KIF18A: variants seen among roughly 807,000 people sequenced by gnomAD.
KIF18A encodes the protein kinesin family member 18A.
A neutral mutation model predicts 103.3 loss-of-function variants in KIF18A; 67 were observed. The ratio of observed to expected loss-of-function variants is 0.65; its 90% CI spans 0.53 to 0.79. The LOEUF (loss-of-function observed/expected upper bound fraction) is 0.79, where lower values mean the gene tolerates loss of function less well. KIF18A is among the 30% of genes least tolerant of loss of function. The pLI is 0.00. For missense variants in KIF18A, 1,032 were observed against 1,062.5 expected (o/e 0.97, Z 0.40); for synonymous variants, 367 against 355.5 (o/e 1.03, Z -0.36).
At chr11:28,027,374 T>C (rs1307216249) in intron 15 of KIF18A, among the ~76,000 whole-genome samples, 2 of 151,872 alleles carry the variant, frequency 1.3e-5, no homozygotes, top group Non-Finnish European at 2.9e-5. Context: ...GTTTTACTAC[T>C]ATATACCTAG....
At chr11:28,027,884 G>A (rs935671112) in intron 15 of KIF18A, among the ~76,000 whole-genome samples, 1 of 151,668 alleles carries the variant, frequency 6.6e-6, no homozygotes, top group Non-Finnish European at 1.5e-5. Flanking sequence ...AACCAGACAA[G>A]GACACATCAA....
intron 15 of KIF18A, among the ~76,000 whole-genome samples, chr11:28,028,109 A>C (rs1850344220): frequency 6.6e-6 from 1 of 152,036 alleles, no homozygotes; most frequent in Non-Finnish European, 1.5e-5. Context: ...TGATCATTTC[A>C]ATAGATGCTG....
chr11:28,094,507 G>A, intron 3 of KIF18A, 136 bp downstream of exon 3: 4 of 683,766 alleles, frequency 5.8e-6, no homozygotes, highest in Non-Finnish European at 9.4e-6. Flanking sequence ...AGAAAAAGAT[G>A]CATAACAAAT....
In KIF18A at chr11:28,058,858, AGATT is replaced by A. The variant is rs1850820105; in HGVS notation, c.1948+64_1948+67del. The A allele has an allele frequency of 7.0e-6, 8 of 1,150,908 alleles. No individual in the cohort carries two copies. The South Asian group carries it at 1.1e-4, about 16-fold the overall frequency. 71.3% of individuals were successfully genotyped at this position (1,150,908 alleles called of 1,614,324 possible). A position where few individuals can be genotyped will look rare whatever the true frequency, so the allele number is the denominator to read the frequency against. ...AACCTATTAAAATTAACTGTTCTAT[AGATT>A]GATATACAAAGGTTCTCTTTAGAAA... On this transcript the variant is annotated intron_variant, in intron 13 of 16. Coordinates refer to ENST00000263181, the MANE Select transcript of KIF18A (RefSeq NM_031217.4).
intron 13 of KIF18A, among the ~76,000 whole-genome samples, chr11:28,052,484 T>C (rs963862047): frequency 3.3e-5 from 5 of 152,034 alleles, no homozygotes; most frequent in African/African-American, 1.2e-4. Flanking sequence ...TGCACTGTGA[T>C]TGTGTCCCTC....
intron 15 of KIF18A, among the ~76,000 whole-genome samples, chr11:28,027,182 T>A (rs554636065): frequency 6.6e-6 from 1 of 151,906 alleles, no homozygotes; most frequent in South Asian, 2.1e-4. Flanking sequence ...AGGTCTTCTA[T>A]AAACTTTTCT....
chr11:28,031,073 C>T (rs1326436022), intron 15 of KIF18A, among the ~76,000 whole-genome samples: 1 of 151,884 alleles, frequency 6.6e-6, no homozygotes, highest in East Asian at 1.9e-4. Flanking sequence ...AACACTTTTA[C>T]ACTGTTGGTG....
intron 3 of KIF18A, among the ~76,000 whole-genome samples, chr11:28,094,261 GCTAATTTC>G (rs1453672910): frequency 6.6e-6 from 1 of 152,060 alleles, no homozygotes; most frequent in Non-Finnish European, 1.5e-5. Context: ...TTGTATCATT[GCTAATTTC>G]CTGATTTTGG....
At chr11:28,043,669 C>G (rs1360019835) in intron 13 of KIF18A, among the ~76,000 whole-genome samples, 1 of 122,288 alleles carries the variant, frequency 8.2e-6, no homozygotes, top group African/African-American at 3.1e-5. Flanking sequence ...ACAGTATGAT[C>G]CCAATTTTGA....
chr11:28,032,840 A>G (rs78750907), intron 15 of KIF18A, among the ~76,000 whole-genome samples: 13,242 of 151,892 alleles, frequency 0.087, 1,025 homozygotes, highest in East Asian at 0.36. Context: ...CTACACAGGG[A>G]ACCAAAGCAA....
chr11:28,025,225 A>T (rs928557553), intron 15 of KIF18A, among the ~76,000 whole-genome samples: 8 of 152,028 alleles, frequency 5.3e-5, no homozygotes, highest in Non-Finnish European at 5.9e-5. Context: ...AAAATCACAA[A>T]TTTGTATGCA....
chr11:28,102,715 C>A (rs1166312459), intron 1 of KIF18A, among the ~76,000 whole-genome samples: 1 of 152,120 alleles, frequency 6.6e-6, no homozygotes, highest in Non-Finnish European at 1.5e-5. Context: ...CTTTTAAAAA[C>A]AAATATGTGG....
At chr11:28,105,141 C>T (rs1289970841) in intron 1 of KIF18A, among the ~76,000 whole-genome samples, 1 of 151,974 alleles carries the variant, frequency 6.6e-6, no homozygotes, top group Non-Finnish European at 1.5e-5. Flanking sequence ...AATGTACTAA[C>T]AATTGACATA....
chr11:28,022,528 A>C (rs1850260525), intron 16 of KIF18A, among the ~76,000 whole-genome samples: 1 of 152,114 alleles, frequency 6.6e-6, no homozygotes, highest in Non-Finnish European at 1.5e-5. Context: ...CAGCCTCCCA[A>C]AGTGCTGGGA....
At chr11:28,039,927 A>T (rs1308340706) in intron 13 of KIF18A, among the ~76,000 whole-genome samples, 1 of 151,764 alleles carries the variant, frequency 6.6e-6, no homozygotes, top group Non-Finnish European at 1.5e-5. Context: ...TTCAGATAAA[A>T]TAAAAGGGCA....
intron 9 of KIF18A, among the ~76,000 whole-genome samples, chr11:28,082,537 A>C (rs1214318097): frequency 1.3e-5 from 2 of 152,146 alleles, no homozygotes; most frequent in Non-Finnish European, 1.5e-5. Flanking sequence ...TTATCTTTTC[A>C]GATATAATGC....
At chr11:28,046,439 T>C (rs376644818) in intron 13 of KIF18A, among the ~76,000 whole-genome samples, 26 of 144,836 alleles carry the variant, frequency 1.8e-4, no homozygotes, top group South Asian at 4.5e-4. Flanking sequence ...AGTAAACTAT[T>C]GCAAGAACAA....
chr11:28,065,751 A>G (rs927827027), intron 11 of KIF18A, among the ~76,000 whole-genome samples: 2 of 152,088 alleles, frequency 1.3e-5, no homozygotes, highest in Non-Finnish European at 2.9e-5. Flanking sequence ...TTAATACTTC[A>G]TAAGTTCTTA....
At chr11:28,041,252 A>G (rs1850556136) in intron 13 of KIF18A, among the ~76,000 whole-genome samples, 1 of 151,872 alleles carries the variant, frequency 6.6e-6, no homozygotes, top group Non-Finnish European at 1.5e-5. Context: ...AGACAATAAA[A>G]CAGAGAAATG....
Sources: gnomAD v4.1 joint callset for allele counts (sites outside exome capture counted in the v4.1 genomes callset) on GRCh38, gnomAD v4.1.1 for gene constraint, MANE v1.5 for transcripts, NCBI Gene and HGNC (gene_info 2026-07-23, HGNC 2026-07-21) for gene names.